Variants in EEF1AKMT2 observed in about 807,000 individuals in gnomAD.
The protein encoded by EEF1AKMT2 is eukaryotic translation elongation factor 1 alpha lysine methyltransferase 2.
A neutral mutation model predicts 35.8 loss-of-function variants in EEF1AKMT2; 32 were observed. The observed-to-expected ratio is 0.89, with a 90% CI of 0.67 to 1.20. The LOEUF (loss-of-function observed/expected upper bound fraction) is 1.20. Ranked by LOEUF, EEF1AKMT2 falls within the 50% of genes most tolerant of loss-of-function variation. The pLI is 0.00. For missense variants in EEF1AKMT2, 330 were observed against 347.5 expected, an observed-to-expected ratio of 0.95 and a Z score of 0.40; for synonymous variants, 121 against 133.7, an observed-to-expected ratio of 0.91 and a Z score of 0.65.
intron 5 of EEF1AKMT2, among the ~76,000 whole-genome samples, chr10:124,762,860 C>T (rs949966375): frequency 5.3e-5 from 8 of 152,088 alleles, no homozygotes; most frequent in African/African-American, 7.2e-5. Flanking sequence ...TTTACAAATG[C>T]TCTGGATATT....
chr10:124,762,227 T>C lies in EEF1AKMT2; in HGVS notation c.875+73A>G, dbSNP rs986540490. 3.9e-6 allele frequency: 4 copies of C among 1,021,076 alleles called. No individual in the cohort carries two copies. In the South Asian group the frequency reaches 8.1e-5, roughly 21 times the overall value. 63.3% of individuals were successfully genotyped at this position (1,021,076 alleles called of 1,614,324 possible). On this transcript the variant is annotated intron_variant, in intron 6 of 6. Transcript: ENST00000368836. The stretch of plus-strand genomic sequence containing the variant: ...AGATCCAAATAAGGTAATGTAGTGT[T>C]TTCCTAAACTATGAAATAAAATGTT...
chr10:124,780,161 T>G (rs1382591025), intron 3 of EEF1AKMT2, among the ~76,000 whole-genome samples: 1 of 152,208 alleles, frequency 6.6e-6, no homozygotes, highest in Non-Finnish European at 1.5e-5. Context: ...AATGCAACAC[T>G]TAAGCTGCCA....
chr10:124,788,530 T>C (rs980866492), intron 3 of EEF1AKMT2, among the ~76,000 whole-genome samples: 3 of 151,774 alleles, frequency 2.0e-5, no homozygotes, highest in African/African-American at 7.3e-5. Flanking sequence ...CTAAGTCTTA[T>C]AATTCCTCCA....
At chr10:124,767,368 C>T (rs1950387953) in intron 4 of EEF1AKMT2, among the ~76,000 whole-genome samples, 2 of 151,016 alleles carry the variant, frequency 1.3e-5, no homozygotes, top group African/African-American at 4.8e-5. Flanking sequence ...AAAAAATTAG[C>T]CGGGCGTGGT....
At chr10:124,756,540 T>TG (rs1010504742), downstream of EEF1AKMT2, among the ~76,000 whole-genome samples, 3 of 152,252 alleles carry the variant, frequency 2.0e-5, no homozygotes, top group Non-Finnish European at 4.4e-5. Context: ...GTCCTTTTAA[T>TG]GATCAGTCTA....
chr10:124,768,952 G>T (rs961036463), intron 4 of EEF1AKMT2, among the ~76,000 whole-genome samples: 4 of 151,560 alleles, frequency 2.6e-5, no homozygotes, highest in Admixed American at 6.6e-5. Flanking sequence ...AAACTGGCCA[G>T]AAGCAGTGGC....
chr10:124,785,068 G>A (rs979192776), intron 3 of EEF1AKMT2, among the ~76,000 whole-genome samples: 8 of 151,830 alleles, frequency 5.3e-5, no homozygotes, highest in East Asian at 1.9e-4. Flanking sequence ...CCAATGTGGT[G>A]AAAGCCCATC....
chr10:124,788,598 C>T (rs865991999), intron 3 of EEF1AKMT2, among the ~76,000 whole-genome samples: 12 of 151,586 alleles, frequency 7.9e-5, no homozygotes, highest in Admixed American at 6.6e-4. Context: ...GTTTAGCTAG[C>T]AGTGGAATGT....
At chr10:124,775,866 C>A (rs918791639) in intron 3 of EEF1AKMT2, among the ~76,000 whole-genome samples, 4 of 152,064 alleles carry the variant, frequency 2.6e-5, no homozygotes, top group Non-Finnish European at 5.9e-5. Context: ...TTAACTGCTT[C>A]TCTGGGAGAC....
At chr10:124,787,039 G>A (rs948546181) in intron 3 of EEF1AKMT2, among the ~76,000 whole-genome samples, 6 of 150,418 alleles carry the variant, frequency 4.0e-5, no homozygotes, top group African/African-American at 7.3e-5. Flanking sequence ...TCCACCTCCC[G>A]GGTTCACACC....
chr10:124,768,387 T>C (rs1401522743), intron 4 of EEF1AKMT2, among the ~76,000 whole-genome samples: 3 of 152,032 alleles, frequency 2.0e-5, no homozygotes. Flanking sequence ...GGTAGGTGGA[T>C]CTCTTGAGGT....
chr10:124,791,514 T>A (rs1950634316), intron 1 of EEF1AKMT2, among the ~76,000 whole-genome samples: 1 of 151,964 alleles, frequency 6.6e-6, no homozygotes, highest in African/African-American at 2.4e-5. Flanking sequence ...TGGGCTCCAA[T>A]CCCTTGAAAC....
chr10:124,769,218 C>CACAAAAAAAAAAAAAAAAAAAAAAAAAAA lies in EEF1AKMT2; in HGVS notation c.400-3611_400-3610insTTTTTTTTTTTTTTTTTTTTTTTTTTTGT, dbSNP rs754443902. ...GGGCTACAGGGCAAGACACTGTCTCCAAAAAAAAAAAAAAAATATATATAT... is the reference window on the plus strand; with the variant it reads ...GGGCTACAGGGCAAGACACTGTCTCCACAAAAAAAAAAAAAAAAAAAAAAAAAAAAAAAAAAAAAAAAAAATATATATAT... On this transcript the variant is annotated intron_variant, in intron 4 of 6. Transcript: ENST00000368836. Among the ~76,000 whole-genome samples, 136 of 31,294 alleles carry CACAAAAAAAAAAAAAAAAAAAAAAAAAAA rather than the reference C, an allele frequency of 4.3e-3. 63 individuals carry two copies. Among genetic ancestry groups the CACAAAAAAAAAAAAAAAAAAAAAAAAAAA allele is most frequent in the Non-Finnish European group, 5.4e-3 (95 of 17,750 alleles). The allele number at this position is 31,294 out of a possible 152,430, so 20.5% of individuals were successfully genotyped here.
chr10:124,790,142 C>T (rs1345276666), intron 2 of EEF1AKMT2, 131 bp downstream of exon 2: 2 of 641,782 alleles, frequency 3.1e-6, no homozygotes, highest in African/African-American at 3.6e-5. Context: ...ATCTGCCTGC[C>T]TCGGCCTCCC....
chr10:124,765,326 A>G, intron 5 of EEF1AKMT2, 66 bp downstream of exon 5: 3 of 1,334,794 alleles, frequency 2.2e-6, no homozygotes, highest in Non-Finnish European at 3.2e-6. Flanking sequence ...CAAAACGGGG[A>G]GAAAACCTAT....
Position 124,791,450 on chromosome 10 carries a change from G to A in EEF1AKMT2, c.110+274C>T, listed in dbSNP as rs530946112. ...CCCCAAGCCTGGCCCTCAGGTTCGA[G>A]ACTCCCAAAAGGCCTCCCAGGAGCC... On this transcript the variant is annotated intron_variant, in intron 1 of 6. Coordinates refer to ENST00000368836, the MANE Select transcript of EEF1AKMT2 (RefSeq NM_212554.4). 5.3e-5 allele frequency among the ~76,000 whole-genome samples: 8 copies of A among 152,120 alleles called. No homozygotes were observed. The South Asian group carries it at 1.7e-3, about 32-fold the overall frequency.
At chr10:124,783,019 G>T in intron 3 of EEF1AKMT2, 1 of 403,378 alleles carries the variant, frequency 2.5e-6, no homozygotes, top group Non-Finnish European at 4.8e-6. Flanking sequence ...TTAAAAGGAT[G>T]GAAAACAATA....
intron 5 of EEF1AKMT2, among the ~76,000 whole-genome samples, chr10:124,765,019 A>G (rs991676353): frequency 7.9e-5 from 12 of 152,126 alleles, no homozygotes; most frequent in African/African-American, 2.9e-4. Context: ...CTCTCACCTC[A>G]GTCTCCTAAG....
intron 4 of EEF1AKMT2, among the ~76,000 whole-genome samples, chr10:124,770,043 G>A (rs1435881509): frequency 6.6e-6 from 1 of 151,824 alleles, no homozygotes; most frequent in African/African-American, 2.4e-5. Context: ...AACACTTTGG[G>A]AGGCCAAGGT....
Sources: allele counts gnomAD v4.1 joint callset (sites outside exome capture counted in the v4.1 genomes callset), GRCh38; gene constraint gnomAD v4.1.1; transcripts MANE v1.5; gene names NCBI Gene and HGNC (gene_info 2026-07-23, HGNC 2026-07-21).